GNAI1: variants seen among roughly 807,000 people sequenced by gnomAD.
GNAI1 encodes the protein G protein subunit alpha i1.
GNAI1 carries 11 observed loss-of-function variants against 38.9 expected under a neutral mutation model. That is an observed-to-expected ratio of 0.28 (90% CI 0.18 to 0.47). The LOEUF is 0.47. GNAI1 is among the 20% of genes least tolerant of loss of function. The pLI is 0.99. For synonymous variants in GNAI1, 166 were observed against 145.1 expected, an observed-to-expected ratio of 1.14 and a Z score of -1.04; for missense variants, 317 against 436.9, an observed-to-expected ratio of 0.73 and a Z score of 2.45.
At chr7:80,183,871 C>T (rs991684205) in intron 1 of GNAI1, among the ~76,000 whole-genome samples, 1 of 152,158 alleles carries the variant, frequency 6.6e-6, no homozygotes, top group Admixed American at 6.5e-5. Context: ...CTTCCTCCCA[C>T]CGTCTTGACT....
intron 1 of GNAI1, among the ~76,000 whole-genome samples, chr7:80,147,177 A>G (rs932593616): frequency 5.9e-5 from 9 of 152,082 alleles, no homozygotes; most frequent in Non-Finnish European, 1.2e-4. Flanking sequence ...TCCTCTGGTA[A>G]TGTTTGTGAT....
Position 80,223,061 on chromosome 7 carries a change from T to A in GNAI1, c.*5568T>A, listed in dbSNP as rs1313677627. On this transcript the variant is annotated 3_prime_UTR_variant, in exon 8 of 8. Transcript: ENST00000649796. ...TACTGAAAATGAAAAACAGATTGAT[T>A]GCATGGGTACTTGAAATATGGTTTC... 6.6e-6 allele frequency among the ~76,000 whole-genome samples: 1 copy of A among 152,200 alleles called. No individual in the cohort carries two copies. The highest frequency in any genetic ancestry group is 1.5e-5 in the Non-Finnish European group (1 of 68,038).
intron 1 of GNAI1, among the ~76,000 whole-genome samples, chr7:80,147,736 T>C (rs958076405): frequency 3.3e-5 from 5 of 152,204 alleles, no homozygotes; most frequent in African/African-American, 1.2e-4. Context: ...CCTTCATGTT[T>C]AGTGATAAGT....
rs1385412914 is a variant in GNAI1 at position 80,134,880 on chromosome 7, C to T, written c.-281C>T. 1.1e-5 allele frequency: 3 copies of T among 267,942 alleles called. No homozygotes were observed. Among genetic ancestry groups the T allele is most frequent in the East Asian group, 6.5e-5 (1 of 15,416 alleles). 16.6% of individuals were successfully genotyped at this position (267,942 alleles called of 1,614,324 possible). A position where few individuals can be genotyped will look rare whatever the true frequency, so the allele number is the denominator to read the frequency against. The stretch of plus-strand genomic sequence containing the variant: ...TGCGGCGCGGCCACCGGCGGGAGTG[C>T]AGCGGCCACTGTACCCAGAGATTCA... On this transcript the variant is annotated 5_prime_UTR_variant, in exon 1 of 8. Transcript: ENST00000649796.
chr7:80,156,532 A>G (rs954487381), intron 1 of GNAI1, among the ~76,000 whole-genome samples: 3 of 151,866 alleles, frequency 2.0e-5, no homozygotes, highest in Non-Finnish European at 4.4e-5. Flanking sequence ...GACTCAAGTG[A>G]TCTTCCTTGT....
chr7:80,149,781 G>T (rs183443252), intron 1 of GNAI1, among the ~76,000 whole-genome samples: 2 of 152,166 alleles, frequency 1.3e-5, no homozygotes, highest in African/African-American at 2.4e-5. Flanking sequence ...TAAATTGTTG[G>T]CCCATGTAAC....
At chr7:80,186,660 T>C (rs1189137834) in intron 1 of GNAI1, among the ~76,000 whole-genome samples, 2 of 152,182 alleles carry the variant, frequency 1.3e-5, no homozygotes, top group African/African-American at 4.8e-5. Context: ...ACTAACAAAA[T>C]GGACCATAGT....
intron 1 of GNAI1, among the ~76,000 whole-genome samples, chr7:80,188,749 A>T (rs1358737055): frequency 1.3e-5 from 2 of 152,072 alleles, no homozygotes; most frequent in African/African-American, 4.8e-5. Context: ...CTCATGTTGT[A>T]TGTTAGATCT....
Position 80,146,240 on chromosome 7 carries a change from CA to C in GNAI1, c.118+10963del, listed in dbSNP as rs1396616132. ...CTCTCTTTTCCCTGTGTGACTGCTCCAGTTGCTCCTAACTGAATGCCCTGTA... is the reference window on the plus strand; with the variant it reads ...CTCTCTTTTCCCTGTGTGACTGCTCCGTTGCTCCTAACTGAATGCCCTGTA... On this transcript the variant is annotated intron_variant, in intron 1 of 7. Transcript: ENST00000649796. Among the ~76,000 whole-genome samples the C allele has an allele frequency of 3.9e-5, 6 of 152,240 alleles. No homozygotes were observed. In the East Asian group the frequency reaches 1.2e-3, roughly 29 times the overall value.
intron 1 of GNAI1, among the ~76,000 whole-genome samples, chr7:80,185,612 T>C (rs1239590971): frequency 6.6e-6 from 1 of 152,108 alleles, no homozygotes; most frequent in African/African-American, 2.4e-5. Flanking sequence ...GTTTCCTCTA[T>C]CTCTGTTCGG....
At chr7:80,206,454 TAAAC>T (rs1446435911) in intron 5 of GNAI1, among the ~76,000 whole-genome samples, 4 of 152,074 alleles carry the variant, frequency 2.6e-5, no homozygotes, top group East Asian at 1.9e-4. Flanking sequence ...TAATATTAAA[TAAAC>T]AAACTCAGTA....
At position 80,211,116 on chromosome 7, in the gene GNAI1, A is replaced by G; in HGVS notation, c.720+18A>G. On this transcript the variant is annotated intron_variant, in intron 6 of 7. Transcript: ENST00000649796. ...AAGAAATGGCAAGTAGAACTACTTT[A>G]AGAGTTGAGCTTGAAACATGAAGAG... The G allele has an allele frequency of 3.7e-6, 6 of 1,609,792 alleles. No individual in the cohort carries two copies. The highest frequency in any genetic ancestry group is 5.1e-6 in the Non-Finnish European group (6 of 1,176,650).
chr7:80,181,402 T>A (rs1319630624), intron 1 of GNAI1, among the ~76,000 whole-genome samples: 1 of 152,208 alleles, frequency 6.6e-6, no homozygotes, highest in Non-Finnish European at 1.5e-5. Flanking sequence ...ATGGTGTGAT[T>A]AGAGTGACTT....
intron 5 of GNAI1, among the ~76,000 whole-genome samples, chr7:80,206,690 G>A (rs1037747638): frequency 4.0e-5 from 6 of 151,812 alleles, no homozygotes; most frequent in Middle Eastern, 3.4e-3. Context: ...AATGGCTTAC[G>A]GTAGTCTCCC....
In GNAI1 at chr7:80,135,066, TC is replaced by T. The variant is rs1408823244; in HGVS notation, c.-94del. The T allele has an allele frequency of 6.3e-6, 5 of 798,338 alleles. No homozygotes were observed. The highest frequency in any genetic ancestry group is 8.9e-6 in the Non-Finnish European group (5 of 561,632). The allele number at this position is 798,338 out of a possible 1,614,324, so 49.5% of individuals were successfully genotyped here. On this transcript the variant is annotated 5_prime_UTR_variant, in exon 1 of 8. Transcript: ENST00000649796. The stretch of plus-strand genomic sequence containing the variant: ...CGGCGTGGCCCCCGTCGGGAGGCGT[TC>T]GAACGCCCGCTAGGAGAGAGAAAGG...
intron 1 of GNAI1, among the ~76,000 whole-genome samples, chr7:80,138,799 A>G (rs1402028446): frequency 2.0e-5 from 3 of 152,104 alleles, no homozygotes; most frequent in African/African-American, 7.2e-5. Flanking sequence ...CCTCATATAC[A>G]AAATTCCACA....
At chr7:80,196,906 A>G (rs1788587153) in intron 3 of GNAI1, among the ~76,000 whole-genome samples, 2 of 151,954 alleles carry the variant, frequency 1.3e-5, no homozygotes, top group Admixed American at 1.3e-4. Context: ...ATTATCTCAC[A>G]TAGTTAATTT....
intron 3 of GNAI1, among the ~76,000 whole-genome samples, chr7:80,195,489 C>T (rs1018880657): frequency 6.6e-6 from 1 of 151,894 alleles, no homozygotes; most frequent in Non-Finnish European, 1.5e-5. Flanking sequence ...AACTCTTCAA[C>T]ATCTGATCAA....
intron 1 of GNAI1, chr7:80,135,686 CCTT>C: frequency 1.3e-5 from 3 of 225,542 alleles, no homozygotes; most frequent in Non-Finnish European, 1.8e-5. Context: ...CCCGGAAAAC[CCTT>C]CTTCGTGTGC....
Sources: allele counts gnomAD v4.1 joint callset (sites outside exome capture counted in the v4.1 genomes callset), GRCh38; gene constraint gnomAD v4.1.1; transcripts MANE v1.5; gene names NCBI Gene and HGNC (gene_info 2026-07-23, HGNC 2026-07-21).